The following VASN variants were observed in gnomAD, a reference collection of about 807,000 sequenced individuals.
VASN encodes vasorin.
VASN carries 5 observed loss-of-function variants against 4.8 expected under a neutral mutation model. The ratio of observed to expected loss-of-function variants is 1.03; its 90% CI spans 0.54 to 2.17. The LOEUF is 2.17. Among genes scored for constraint, VASN ranks in the 30% most tolerant of loss-of-function variants. The probability of loss-of-function intolerance (pLI) is 0.01; values close to 1 mark genes in which losing one functional copy is unlikely to be tolerated. For missense variants in VASN, 927 were observed against 948.8 expected (o/e 0.98, Z 0.30); for synonymous variants, 499 against 460.8 (o/e 1.08, Z -1.06).
At chr16:4,372,825 G>A (rs8058761) in intron 1 of VASN, among the ~76,000 whole-genome samples, 35,467 of 152,158 alleles carry the variant, frequency 0.23, 5,575 homozygotes, top group Middle Eastern at 0.35. Flanking sequence ...CAGGGGTGGA[G>A]TGTGCAGGGT....
Position 4,381,789 on chromosome 16 carries a change from C to G in VASN, c.912C>G (p.Cys304Trp). 6.2e-7 allele frequency: 1 copy of G among 1,600,402 alleles called. No individual in the cohort carries two copies. The change falls in exon 2 of 2, where the codon TGC becomes TGG. Residue 304 changes from cysteine to tryptophan, a missense_variant. Transcript: ENST00000304735. ...CCCGCAACCCCTTCAACTGCGTGTG[C>G]CCCCTGAGCTGGTTTGGCCCCTGGG... ...AAARNPFNCV[C>W]PLSWFGPWVR...
intron 1 of VASN, among the ~76,000 whole-genome samples, chr16:4,378,207 C>T (rs888296484): frequency 4.7e-4 from 71 of 152,152 alleles, no homozygotes; most frequent in African/African-American, 1.6e-3. Context: ...ATGAAGAAAC[C>T]GAGGTGTGAG....
chr16:4,372,878 C>G (rs78621532), intron 1 of VASN, among the ~76,000 whole-genome samples: 2,698 of 152,284 alleles, frequency 0.018, 37 homozygotes, highest in Non-Finnish European at 0.03. Flanking sequence ...CCATGCCTGC[C>G]TTTTGCACCA....
intron 1 of VASN, among the ~76,000 whole-genome samples, chr16:4,378,291 C>T (rs1490066111): frequency 6.6e-6 from 1 of 151,950 alleles, no homozygotes; most frequent in Non-Finnish European, 1.5e-5. Flanking sequence ...AGTGAGCGCT[C>T]TTAACTGTGA....
chr16:4,377,015 C>T (rs1244633343), intron 1 of VASN, among the ~76,000 whole-genome samples: 1 of 152,204 alleles, frequency 6.6e-6, no homozygotes, highest in Non-Finnish European at 1.5e-5. Flanking sequence ...CCAAGTCACC[C>T]CAGACACAGG....
chr16:4,373,522 C>T (rs1190937911), intron 1 of VASN, among the ~76,000 whole-genome samples: 1 of 152,144 alleles, frequency 6.6e-6, no homozygotes, highest in Non-Finnish European at 1.5e-5. Flanking sequence ...CATAAGGAGC[C>T]TCTCAGACAC....
Position 4,381,521 on chromosome 16 carries a change from T to G in VASN, c.644T>G (p.Leu215Trp), listed in dbSNP as rs1366598912. The G allele has an allele frequency of 6.2e-7, 1 of 1,600,818 alleles. No individual in the cohort carries two copies. The highest frequency in any genetic ancestry group is 8.5e-7 in the Non-Finnish European group (1 of 1,174,914). Reference protein sequence around the residue: ...QQLDEGLFSRLRNLHDLDVSD... With the variant: ...QQLDEGLFSRWRNLHDLDVSD... Reference sequence around the variant, plus strand: ...CTGGACGAGGGGCTCTTCAGCCGCTTGCGCAACCTCCACGACCTGGATGTG... The same window carrying G: ...CTGGACGAGGGGCTCTTCAGCCGCTGGCGCAACCTCCACGACCTGGATGTG... The change falls in exon 2 of 2, where the codon TTG becomes TGG. Residue 215 changes from leucine to tryptophan, a missense_variant. Physicochemically the swap from Leu to Trp is moderately conservative, Grantham distance 61. Transcript: ENST00000304735.
chr16:4,380,920 C>T lies in VASN; in HGVS notation c.43C>T (p.Leu15=). Residue 15 remains leucine, a synonymous_variant, in exon 2 of 2, where the codon CTG becomes TTG. Coordinates refer to ENST00000304735, the MANE Select transcript of VASN (RefSeq NM_138440.3). ...VPLLLPLLLL[L]ALGPGVQGCP... ...TCTGCTGCTGCCGCTGCTCCTGCTACTGGCCCTGGGGCCTGGGGTGCAGGG... is the reference window on the plus strand; with the variant it reads ...TCTGCTGCTGCCGCTGCTCCTGCTATTGGCCCTGGGGCCTGGGGTGCAGGG... 6.4e-7 allele frequency: 1 copy of T among 1,573,568 alleles called. No individual in the cohort carries two copies. Among genetic ancestry groups the T allele is most frequent in the South Asian group, 1.1e-5 (1 of 86,958 alleles).
chr16:4,379,610 A>C (rs2054878080), intron 1 of VASN, among the ~76,000 whole-genome samples: 1 of 152,046 alleles, frequency 6.6e-6, no homozygotes, highest in South Asian at 2.1e-4. Flanking sequence ...CTGGGGGGCT[A>C]CCTGAGGTGA....
Position 4,381,036 on chromosome 16 carries a change from C to G in VASN, c.159C>G (p.Asp53Glu). ...CGGTGCCCCGAGACGTGCCACCCGA[C>G]ACGGTGGGGCTGTACGTCTTTGAGA... ...GTTVPRDVPP[D>E]TVGLYVFENG... is the part of the protein sequence containing the mutation. The change falls in exon 2 of 2, where the codon GAC becomes GAG. Residue 53 changes from aspartate (D) to glutamate (E), a missense_variant. Transcript: ENST00000304735. 6.2e-7 allele frequency: 1 copy of G among 1,610,578 alleles called. No homozygotes were observed. The highest frequency in any genetic ancestry group is 8.5e-7 in the Non-Finnish European group (1 of 1,179,132).
At chr16:4,372,662 G>A (rs2054579293) in intron 1 of VASN, among the ~76,000 whole-genome samples, 1 of 152,194 alleles carries the variant, frequency 6.6e-6, no homozygotes, top group Admixed American at 6.5e-5. Context: ...CTAGTCCTTT[G>A]TGTCCCTGGG....
In VASN at chr16:4,382,265, C is replaced by T. The variant is rs1443319352; in HGVS notation, c.1388C>T (p.Ser463Phe). The change falls in exon 2 of 2, where the codon TCC (serine) becomes TTC (phenylalanine). Residue 463 changes from serine (S) to phenylalanine (F), a missense_variant. Coordinates refer to ENST00000304735, the MANE Select transcript of VASN (RefSeq NM_138440.3). ...PTPVTPRPPR[S>F]LTLGIEPVSP... ...CCAGTCACGCCGAGGCCACCACGGT[C>T]CCTGACCCTGGGCATCGAGCCGGTG... 6.2e-6 allele frequency: 10 copies of T among 1,608,608 alleles called. No homozygotes were observed. Among genetic ancestry groups the T allele is most frequent in the Non-Finnish European group, 8.5e-6 (10 of 1,178,516 alleles).
intron 1 of VASN, among the ~76,000 whole-genome samples, chr16:4,377,052 A>G (rs957356850): frequency 6.6e-6 from 1 of 152,158 alleles, no homozygotes; most frequent in African/African-American, 2.4e-5. Context: ...AGCAGCGCCC[A>G]CTGCACAATG....
chr16:4,378,102 G>A (rs979313608), intron 1 of VASN, among the ~76,000 whole-genome samples: 1 of 152,146 alleles, frequency 6.6e-6, no homozygotes, highest in East Asian at 1.9e-4. Flanking sequence ...CCCCCAGCAC[G>A]TGCCCCTAAG....
At position 4,381,031 on chromosome 16, in the gene VASN, C is replaced by T. The variant is rs373180153; in HGVS notation, c.154C>T (p.Pro52Ser). The T allele has an allele frequency of 3.7e-6, 6 of 1,610,370 alleles. No homozygotes were observed. In the African/African-American group the frequency reaches 8.0e-5, roughly 21 times the overall value. The change falls in exon 2 of 2, where the codon CCC (proline) becomes TCC (serine). Residue 52 changes from proline (P) to serine (S), a missense_variant. Physicochemically the swap from Pro to Ser is moderately conservative, Grantham distance 74. Transcript: ENST00000304735. ...GACCACGGTGCCCCGAGACGTGCCA[C>T]CCGACACGGTGGGGCTGTACGTCTT... ...QGTTVPRDVP[P>S]DTVGLYVFEN... is the part of the protein sequence containing the mutation.
At chr16:4,373,956 G>A (rs1420104721) in intron 1 of VASN, among the ~76,000 whole-genome samples, 1 of 152,190 alleles carries the variant, frequency 6.6e-6, no homozygotes, top group Non-Finnish European at 1.5e-5. Context: ...ACCTCTCCTG[G>A]ACCCCCCATC....
chr16:4,377,347 C>T (rs1440501297), intron 1 of VASN, among the ~76,000 whole-genome samples: 1 of 45,120 alleles, frequency 2.2e-5, no homozygotes, highest in East Asian at 5.8e-4. Context: ...CTGGGATCAC[C>T]GGGTGGGAGG....
In VASN at chr16:4,381,413, A is replaced by G; in HGVS notation, c.536A>G (p.Asn179Ser). ...CTGCTGCTGCTGGACCTCAGCCACAACAGCCTCCTGGCCCTGGAGCCCGGC... is the reference window on the plus strand; with the variant it reads ...CTGCTGCTGCTGGACCTCAGCCACAGCAGCCTCCTGGCCCTGGAGCCCGGC... Reference protein sequence around the residue: ...PRLLLLDLSHNSLLALEPGIL... With the variant: ...PRLLLLDLSHSSLLALEPGIL... Residue 179 changes from asparagine to serine, a missense_variant, in exon 2 of 2, where the codon AAC becomes AGC. Asn to Ser is a conservative substitution (Grantham distance 46). Coordinates refer to ENST00000304735, the MANE Select transcript of VASN (RefSeq NM_138440.3). 1.3e-6 allele frequency: 2 copies of G among 1,585,322 alleles called. No homozygotes were observed. Among genetic ancestry groups the G allele is most frequent in the East Asian group, 2.3e-5 (1 of 43,008 alleles).
chr16:4,381,618 C>T lies in VASN; in HGVS notation c.741C>T (p.Ala247=), dbSNP rs573192605. 4.8e-4 allele frequency: 764 copies of T among 1,597,420 alleles called. 11 individuals are homozygous for T. In the South Asian group the frequency reaches 8.0e-3, roughly 17 times the overall value. The change falls in exon 2 of 2, where the codon GCC becomes GCT. Residue 247 remains alanine, a synonymous_variant. Coordinates refer to ENST00000304735, the MANE Select transcript of VASN (RefSeq NM_138440.3). The stretch of plus-strand genomic sequence containing the variant: ...GGGGCCTGACGCGCCTGCGGCTGGC[C>T]GGCAACACCCGCATTGCCCAGCTGC... ...GLRGLTRLRL[A]GNTRIAQLRP... is the part of the protein sequence containing the mutation.
Sources: gnomAD v4.1 joint callset for allele counts (sites outside exome capture counted in the v4.1 genomes callset) on GRCh38, gnomAD v4.1.1 for gene constraint, MANE v1.5 for transcripts, NCBI Gene and HGNC (gene_info 2026-07-23, HGNC 2026-07-21) for gene names.